The following ADAMTS18 variants were observed in gnomAD, a reference collection of about 807,000 sequenced individuals.
ADAMTS18 encodes the protein A disintegrin and metalloproteinase with thrombospondin motifs 18.
ADAMTS18 carries 157 observed loss-of-function variants against 165.9 expected under a neutral mutation model. That is an observed-to-expected ratio of 0.95 (90% CI 0.83 to 1.08). ADAMTS18 has a LOEUF of 1.08. Among genes scored for constraint, ADAMTS18 ranks in the 50% least tolerant of loss-of-function variants. The pLI, the probability that ADAMTS18 is intolerant of heterozygous loss-of-function variation, is 0.00. For synonymous variants in ADAMTS18, 782 were observed against 578.2 expected, an observed-to-expected ratio of 1.35 and a Z score of -5.06; for missense variants, 2,040 against 1,534.0, an observed-to-expected ratio of 1.33 and a Z score of -5.51.
chr16:77,368,435 T>C lies in ADAMTS18; in HGVS notation c.496-712A>G, dbSNP rs1279234923. Among the ~76,000 whole-genome samples, 3 of 148,602 alleles carry C rather than the reference T, an allele frequency of 2.0e-5. No homozygotes were observed. The East Asian group carries it at 5.8e-4, about 29-fold the overall frequency. On this transcript the variant is annotated intron_variant, in intron 3 of 22. Coordinates refer to ENST00000282849, the MANE Select transcript of ADAMTS18 (RefSeq NM_199355.4). ...TGGTTCACACTTGATTTTTCTTTTT[T>C]TCTTTTTTTTTTTTTTTTTGAGATT...
chr16:77,321,706 C>T (rs2056001748), intron 14 of ADAMTS18, among the ~76,000 whole-genome samples: 1 of 152,154 alleles, frequency 6.6e-6, no homozygotes, highest in Non-Finnish European at 1.5e-5. Flanking sequence ...AGTACACATG[C>T]AATAAAAGTT....
chr16:77,335,943 C>T (rs1401923275), intron 11 of ADAMTS18, 39 bp from the exon 12 acceptor site: 2 of 1,613,734 alleles, frequency 1.2e-6, no homozygotes, highest in South Asian at 2.2e-5. Flanking sequence ...CGTCAGAGAC[C>T]ACCTGGGAAA....
intron 8 of ADAMTS18, among the ~76,000 whole-genome samples, chr16:77,357,323 T>C (rs1200786511): frequency 6.6e-6 from 1 of 152,150 alleles, no homozygotes; most frequent in Non-Finnish European, 1.5e-5. Flanking sequence ...CTGTATGCTA[T>C]CCTATCAGTG....
chr16:77,381,572 G>A (rs1241286248), intron 3 of ADAMTS18, among the ~76,000 whole-genome samples: 10 of 152,098 alleles, frequency 6.6e-5, no homozygotes, highest in African/African-American at 1.2e-4. Context: ...GGGAGGCCGC[G>A]GCAGGTGGAT....
chr16:77,414,255 T>C (rs56909434), intron 3 of ADAMTS18, among the ~76,000 whole-genome samples: 482 of 152,328 alleles, frequency 3.2e-3, no homozygotes, highest in African/African-American at 0.011. Context: ...TCAACCTGTT[T>C]GCTTTCACTG....
intron 10 of ADAMTS18, among the ~76,000 whole-genome samples, chr16:77,345,062 A>G (rs1292842145): frequency 2.0e-5 from 3 of 152,132 alleles, no homozygotes; most frequent in Non-Finnish European, 4.4e-5. Flanking sequence ...TTGCCTGCAT[A>G]TGATTTTTTT....
Position 77,434,446 on chromosome 16 carries a change from G to C in ADAMTS18, c.150C>G (p.Ser50Arg). 1 of 1,573,350 alleles carries C rather than the reference G, an allele frequency of 6.4e-7. No homozygotes were observed. Among genetic ancestry groups the C allele is most frequent in the Non-Finnish European group, 8.6e-7 (1 of 1,165,334 alleles). ...CATTTAATCCGCTGGCGCCGCTGCT[G>C]CTGTCACTGGCTAAGGCCGCGGCGA... ...ASVAAALASD[S>R]SSGASGLNDD... Residue 50 changes from serine (S) to arginine (R), a missense_variant, in exon 2 of 23, where the codon AGC becomes AGG. Physicochemically the swap from Ser to Arg is moderately radical, Grantham distance 110 (BLOSUM62 -1). Transcript: ENST00000282849.
At chr16:77,423,997 G>A (rs1313773930) in intron 3 of ADAMTS18, among the ~76,000 whole-genome samples, 1 of 152,170 alleles carries the variant, frequency 6.6e-6, no homozygotes, top group African/African-American at 2.4e-5. Flanking sequence ...AATCAAGCAT[G>A]GAGCTTCCAC....
chr16:77,332,415 G>C (rs939494595), intron 12 of ADAMTS18, among the ~76,000 whole-genome samples: 2 of 152,112 alleles, frequency 1.3e-5, no homozygotes, highest in Non-Finnish European at 2.9e-5. Flanking sequence ...ACAGATCCCA[G>C]AACCTTTTGG....
At chr16:77,366,796 A>C (rs1013752459) in intron 4 of ADAMTS18, among the ~76,000 whole-genome samples, 10 of 152,244 alleles carry the variant, frequency 6.6e-5, no homozygotes, top group African/African-American at 2.2e-4. Flanking sequence ...AAAATAATGT[A>C]ACTCTCTAAT....
Position 77,291,021 on chromosome 16 carries a change from C to CATTT in ADAMTS18, c.3402+241_3402+244dup, listed in dbSNP as rs2055351981. The CATTT allele has an allele frequency of 1.5e-5, 7 of 455,310 alleles. 1 individual carries two copies. The South Asian group carries it at 1.7e-4, about 11-fold the overall frequency. 28.2% of individuals were successfully genotyped at this position (455,310 alleles called of 1,614,324 possible). On this transcript the variant is annotated intron_variant, in intron 21 of 22. Coordinates refer to ENST00000282849, the MANE Select transcript of ADAMTS18 (RefSeq NM_199355.4). ...GGCCTGGTGGTAAGTGTTTTACATA[C>CATTT]ATTTTCTGATGAACAAAAACAAATC...
chr16:77,378,118 A>G (rs1368556669), intron 3 of ADAMTS18, among the ~76,000 whole-genome samples: 1 of 152,098 alleles, frequency 6.6e-6, no homozygotes, highest in Non-Finnish European at 1.5e-5. Context: ...ACTCGAGCTC[A>G]GGAGTTTATC....
chr16:77,312,312 C>A (rs949206698), intron 16 of ADAMTS18, among the ~76,000 whole-genome samples: 1 of 152,012 alleles, frequency 6.6e-6, no homozygotes, highest in African/African-American at 2.4e-5. Context: ...TCTTGGCTCA[C>A]CGCAACCTCT....
intron 12 of ADAMTS18, among the ~76,000 whole-genome samples, chr16:77,334,313 A>G (rs1320143404): frequency 1.0e-5 from 1 of 96,526 alleles, no homozygotes; most frequent in Non-Finnish European, 1.8e-5. Flanking sequence ...TATATAATAT[A>G]AAGTATAAAT....
At chr16:77,388,591 TAAA>T (rs980232513) in intron 3 of ADAMTS18, among the ~76,000 whole-genome samples, 1 of 152,186 alleles carries the variant, frequency 6.6e-6, no homozygotes, top group African/African-American at 2.4e-5. Context: ...AGAATGAGGA[TAAA>T]TGAAGGATAC....
At chr16:77,431,758 G>T in intron 2 of ADAMTS18, 147 bp from the exon 3 acceptor site, 1 of 853,634 alleles carries the variant, frequency 1.2e-6, no homozygotes, top group Non-Finnish European at 1.9e-6. Flanking sequence ...ATTCAGAGCA[G>T]CACAGGCAGC....
In ADAMTS18 at chr16:77,330,792, T is replaced by C. The variant is rs554087247; in HGVS notation, c.1860-4754A>G. Among the ~76,000 whole-genome samples, 8 of 152,324 alleles carry C rather than the reference T, an allele frequency of 5.3e-5. No individual in the cohort carries two copies. The South Asian group carries it at 1.7e-3, about 32-fold the overall frequency. ...ATTTTTCAAGAAATAAAGTCTGTTC[T>C]GGGAAAAACACCTTTATATGAAACA... On this transcript the variant is annotated intron_variant, in intron 12 of 22. Coordinates refer to ENST00000282849, the MANE Select transcript of ADAMTS18 (RefSeq NM_199355.4).
intron 3 of ADAMTS18, among the ~76,000 whole-genome samples, chr16:77,387,193 C>A (rs187868870): frequency 6.6e-6 from 1 of 152,152 alleles, no homozygotes; most frequent in African/African-American, 2.4e-5. Context: ...CTGCTGTCAT[C>A]GATTTTCTTG....
rs1281357204 is a variant in ADAMTS18 at position 77,347,291 on chromosome 16, CTTTA to C, written c.1615-5496_1615-5493del. Among the ~76,000 whole-genome samples the C allele has an allele frequency of 2.0e-5, 3 of 152,066 alleles. No individual in the cohort carries two copies. In the East Asian group the frequency reaches 5.8e-4, roughly 29 times the overall value. On this transcript the variant is annotated intron_variant, in intron 10 of 22. Coordinates refer to ENST00000282849, the MANE Select transcript of ADAMTS18 (RefSeq NM_199355.4). ...GACAAGCCTTTTTATGAACACAGTC[CTTTA>C]TTTATTTCAGGTAGATACCATGGAG...
Sources: gnomAD v4.1 joint callset for allele counts (sites outside exome capture counted in the v4.1 genomes callset) on GRCh38, gnomAD v4.1.1 for gene constraint, MANE v1.5 for transcripts, NCBI Gene and HGNC (gene_info 2026-07-23, HGNC 2026-07-21) for gene names.